The following KANSL2 variants were observed in gnomAD, a reference collection of about 807,000 sequenced individuals.
KANSL2 encodes the protein KAT8 regulatory NSL complex subunit 2.
In KANSL2, 34 loss-of-function variants were observed where a neutral mutation model predicts 55.6. That is an observed-to-expected ratio of 0.61 (90% CI 0.46 to 0.81). The LOEUF (loss-of-function observed/expected upper bound fraction) is 0.81. KANSL2 is among the 40% of genes least tolerant of loss of function. KANSL2 has a pLI of 0.00. For synonymous variants in KANSL2, 209 were observed against 214.3 expected (o/e 0.98, Z 0.22); for missense variants, 502 against 609.9 (o/e 0.82, Z 1.86).
rs771192608 is a variant in KANSL2 at position 48,676,582 on chromosome 12, C to G, written c.545+2454G>C. Reference sequence around the variant, plus strand: ...CTGAGGCAGGAAAATCATTTGAACCCGGGAGGCGGAGGTTGCAGTGAGCTG... The same window carrying G: ...CTGAGGCAGGAAAATCATTTGAACCGGGGAGGCGGAGGTTGCAGTGAGCTG... On this transcript the variant is annotated intron_variant, in intron 4 of 9. Coordinates refer to ENST00000420613, the MANE Select transcript of KANSL2 (RefSeq NM_017822.4). Among the ~76,000 whole-genome samples the G allele has an allele frequency of 2.7e-4, 41 of 151,934 alleles. 1 individual carries two copies. The highest frequency in any genetic ancestry group is 1.5e-5 in the Non-Finnish European group (1 of 67,990).
At chr12:48,656,680 A>T (rs1319490261) in intron 8 of KANSL2, 1 of 515,668 alleles carries the variant, frequency 1.9e-6, no homozygotes, top group Admixed American at 2.0e-5. Context: ...GGCAATTCGC[A>T]CTGGAATACT....
Position 48,664,903 on chromosome 12 carries a change from T to TTA in KANSL2, c.973+2789_973+2790insTA, listed in dbSNP as rs1387006355. The stretch of plus-strand genomic sequence containing the variant: ...GCTTTTTTTTTTTTTTTTTTTTTTT[T>TTA]AGAGACAGGGTTTTCCTCTGTCACC... On this transcript the variant is annotated intron_variant, in intron 7 of 9. Transcript: ENST00000420613. 2.8e-3 allele frequency among the ~76,000 whole-genome samples: 408 copies of TTA among 145,224 alleles called. 2 individuals carry two copies. Among genetic ancestry groups the TTA allele is most frequent in the African/African-American group, 9.8e-3 (378 of 38,716 alleles).
intron 4 of KANSL2, among the ~76,000 whole-genome samples, chr12:48,672,739 A>T (rs981979873): frequency 6.6e-6 from 1 of 151,656 alleles, no homozygotes; most frequent in Non-Finnish European, 1.5e-5. Flanking sequence ...TATTTTAATT[A>T]AAGCACTAAA....
chr12:48,661,711 TG>T (rs1368364992), intron 7 of KANSL2, among the ~76,000 whole-genome samples: 3 of 152,190 alleles, frequency 2.0e-5, no homozygotes, highest in African/African-American at 7.2e-5. Context: ...AATGCATACT[TG>T]GAAATAACTA....
At chr12:48,680,281 T>C (rs1939897762) in intron 2 of KANSL2, among the ~76,000 whole-genome samples, 1 of 152,166 alleles carries the variant, frequency 6.6e-6, no homozygotes, top group African/African-American at 2.4e-5. Flanking sequence ...GGTCTGGAAC[T>C]CCCAGGCTCA....
chr12:48,675,769 G>C (rs147978392), intron 4 of KANSL2, among the ~76,000 whole-genome samples: 1 of 152,090 alleles, frequency 6.6e-6, no homozygotes, highest in Non-Finnish European at 1.5e-5. Flanking sequence ...AGATGAATGC[G>C]CCAGACTTTC....
chr12:48,665,572 CAAATA>C (rs1047882532), intron 7 of KANSL2, among the ~76,000 whole-genome samples: 1 of 152,020 alleles, frequency 6.6e-6, no homozygotes, highest in African/African-American at 2.4e-5. Context: ...TCAAAAAAAA[CAAATA>C]AAGAAAATAA....
chr12:48,677,410 C>T (rs917497770), intron 4 of KANSL2, among the ~76,000 whole-genome samples: 7 of 152,048 alleles, frequency 4.6e-5, no homozygotes, highest in African/African-American at 1.2e-4. Flanking sequence ...CCACACCAAA[C>T]GACACTCCCT....
chr12:48,654,229 A>C (rs770686442), intron 9 of KANSL2, 54 bp from the exon 10 acceptor site: 13 of 1,557,770 alleles, frequency 8.3e-6, no homozygotes, highest in South Asian at 4.8e-5. Context: ...TGTGGTCTGA[A>C]GTATGAATCT....
chr12:48,660,719 A>G, intron 7 of KANSL2, 100 bp from the exon 8 acceptor site: 1 of 1,176,258 alleles, frequency 8.5e-7, no homozygotes, highest in Admixed American at 2.8e-5. Context: ...TGGACTATAT[A>G]AGATAAATTA....
intron 4 of KANSL2, among the ~76,000 whole-genome samples, chr12:48,673,246 T>C (rs1939760212): frequency 6.6e-6 from 1 of 152,120 alleles, no homozygotes; most frequent in South Asian, 2.1e-4. Context: ...TTGATTAAGC[T>C]TTGCTGCCAA....
intron 8 of KANSL2, 149 bp from the exon 9 acceptor site, chr12:48,655,209 A>G: frequency 1.5e-6 from 1 of 675,562 alleles, no homozygotes; most frequent in South Asian, 2.0e-5. Flanking sequence ...AGAGCGTCCA[A>G]CAAATGAAAC....
At chr12:48,672,104 C>T (rs1433295726) in intron 4 of KANSL2, 142 bp from the exon 5 acceptor site, 1 of 560,968 alleles carries the variant, frequency 1.8e-6, no homozygotes, top group Non-Finnish European at 2.9e-6. Flanking sequence ...AACATTGTAC[C>T]ATTCAAGTTG....
intron 4 of KANSL2, among the ~76,000 whole-genome samples, chr12:48,672,356 CATATATACATGTATATATACGTATAT>C (rs1463836778): frequency 9.2e-5 from 13 of 141,500 alleles, no homozygotes; most frequent in African/African-American, 2.4e-4. Flanking sequence ...TTCACATATA[CATATATACATGTATATATACGTATAT>C]ATATATACAT....
chr12:48,657,448 T>C (rs1273210362), intron 8 of KANSL2, among the ~76,000 whole-genome samples: 1 of 151,932 alleles, frequency 6.6e-6, no homozygotes, highest in East Asian at 1.9e-4. Context: ...AAAATAAAGC[T>C]GCTCAATTTA....
intron 5 of KANSL2, among the ~76,000 whole-genome samples, chr12:48,670,838 G>A (rs1939699358): frequency 1.3e-5 from 2 of 152,126 alleles, no homozygotes; most frequent in African/African-American, 4.8e-5. Context: ...GTGTGGTGGT[G>A]CATCTGTAGT....
chr12:48,666,401 A>T lies in KANSL2; in HGVS notation c.973+1292T>A, dbSNP rs564954651. Among the ~76,000 whole-genome samples the T allele has an allele frequency of 8.4e-4, 128 of 151,994 alleles. 2 individuals are homozygous for T. The highest frequency in any genetic ancestry group is 2.2e-3 in the African/African-American group (92 of 41,482). ...AATTGACTCTACAAAAAATAAAAAAAAAAAAAATAGGCCAGGTGCAGTGGC... is the reference window on the plus strand; with the variant it reads ...AATTGACTCTACAAAAAATAAAAAATAAAAAAATAGGCCAGGTGCAGTGGC... On this transcript the variant is annotated intron_variant, in intron 7 of 9. Transcript: ENST00000420613.
intron 4 of KANSL2, among the ~76,000 whole-genome samples, chr12:48,676,881 A>C (rs959547443): frequency 3.3e-5 from 5 of 152,338 alleles, no homozygotes; most frequent in Admixed American, 3.3e-4. Context: ...AAGCAATTGA[A>C]GATAAATGTG....
At chr12:48,679,946 C>A in intron 2 of KANSL2, 113 bp from the exon 3 acceptor site, 1 of 938,658 alleles carries the variant, frequency 1.1e-6, no homozygotes. Context: ...CTATTACATT[C>A]ATTTCTAAAA....
Sources: gnomAD v4.1 joint callset for allele counts (sites outside exome capture counted in the v4.1 genomes callset) on GRCh38, gnomAD v4.1.1 for gene constraint, MANE v1.5 for transcripts, NCBI Gene and HGNC (gene_info 2026-07-23, HGNC 2026-07-21) for gene names.